ARLN: variants seen among roughly 807,000 people sequenced by gnomAD.
ARLN encodes allregulin, also known as sarcoplasmic/endoplasmic reticulum calcium ATPase regulator ARLN.
the ARLN span, among the ~76,000 whole-genome samples, chr4:119,301,125 A>G: frequency 7.8e-3 from 1,174 of 151,478 alleles, 13 homozygotes; most frequent in African/African-American, 0.027. Flanking sequence ...GGGTTTAAGA[A>G]TAACCTGGCC....
the ARLN span, chr4:119,297,418 CA>C: frequency 6.6e-6 from 1 of 152,204 alleles, no homozygotes; most frequent in African/African-American, 2.4e-5. Context: ...CCACTTCTAC[CA>C]TTCCTCATGT....
At chr4:119,298,276 A>C in the ARLN span, 1 of 152,254 alleles carries the variant, frequency 6.6e-6, no homozygotes, top group African/African-American at 2.4e-5. Flanking sequence ...AACTAAACCT[A>C]AAAATTAAAA....
the ARLN span, chr4:119,300,507 C>T: frequency 4.3e-6 from 7 of 1,614,128 alleles, no homozygotes; most frequent in Non-Finnish European, 5.1e-6. Context: ...ACCATCTCGA[C>T]CATCAACACC....
the ARLN span, chr4:119,300,748 G>T: frequency 4.0e-6 from 6 of 1,501,648 alleles, no homozygotes; most frequent in Non-Finnish European, 2.7e-6. Context: ...CATGAAGCGC[G>T]GCCTCCGCCT....
the ARLN span, chr4:119,300,427 T>C: frequency 1.9e-6 from 3 of 1,613,760 alleles, no homozygotes; most frequent in African/African-American, 2.7e-5. Context: ...GGAAGCCCAT[T>C]TGCCCCAGAC....
At chr4:119,302,636 A>G in the ARLN span, among the ~76,000 whole-genome samples, 648 of 152,338 alleles carry the variant, frequency 4.3e-3, 7 homozygotes, top group African/African-American at 0.015. Context: ...CACTTGTCCA[A>G]CCACCTTGAA....
the ARLN span, chr4:119,296,482 C>G: frequency 6.6e-6 from 1 of 152,154 alleles, no homozygotes; most frequent in Admixed American, 6.5e-5. Flanking sequence ...AGAAGTCCCA[C>G]AATCTGCTTT....
chr4:119,303,392 G>A, the ARLN span, among the ~76,000 whole-genome samples: 2 of 151,938 alleles, frequency 1.3e-5, no homozygotes, highest in African/African-American at 2.4e-5. Flanking sequence ...CTGCCAGCAC[G>A]CCTGGCTAAT....
the ARLN span, among the ~76,000 whole-genome samples, chr4:119,303,701 T>C: frequency 6.6e-6 from 1 of 152,164 alleles, no homozygotes; most frequent in Non-Finnish European, 1.5e-5. Context: ...CTGAGCAACA[T>C]GGCGAAATCC....
At chr4:119,303,410 T>C in the ARLN span, among the ~76,000 whole-genome samples, 80,979 of 151,666 alleles carry the variant, frequency 0.53, 21,702 homozygotes, top group East Asian at 0.62. Context: ...AATTTTTGTA[T>C]TTTTAGTAGA....
At chr4:119,301,619 A>C in the ARLN span, among the ~76,000 whole-genome samples, 9 of 152,190 alleles carry the variant, frequency 5.9e-5, no homozygotes, top group Admixed American at 1.3e-4. Flanking sequence ...GGGCACCCAG[A>C]CATATAAGTG....
chr4:119,303,779 G>T, the ARLN span, among the ~76,000 whole-genome samples: 1 of 152,182 alleles, frequency 6.6e-6, no homozygotes, highest in Non-Finnish European at 1.5e-5. Flanking sequence ...AGCTACTCAG[G>T]AGGCTGAATT....
the ARLN span, chr4:119,300,590 G>T: frequency 1.2e-6 from 2 of 1,613,180 alleles, no homozygotes; most frequent in East Asian, 2.2e-5. Flanking sequence ...TAAGTTCCCG[G>T]ACTTTGGTGT....
the ARLN span, among the ~76,000 whole-genome samples, chr4:119,302,667 A>G: frequency 6.6e-6 from 1 of 152,254 alleles, no homozygotes; most frequent in Non-Finnish European, 1.5e-5. Context: ...CACATGTTCA[A>G]CTGAAAAATA....
At chr4:119,304,423 G>C in the ARLN span, 1 of 1,534,346 alleles carries the variant, frequency 6.5e-7, no homozygotes, top group Non-Finnish European at 8.7e-7. Flanking sequence ...CCTATTAATG[G>C]GGCTATTTAT....
the ARLN span, among the ~76,000 whole-genome samples, chr4:119,303,713 AT>A: frequency 6.6e-6 from 1 of 152,296 alleles, no homozygotes; most frequent in Middle Eastern, 3.4e-3. Context: ...GCGAAATCCC[AT>A]CTCTACAAAA....
At chr4:119,304,272 G>C in the ARLN span, 1 of 1,536,420 alleles carries the variant, frequency 6.5e-7, no homozygotes, top group Non-Finnish European at 8.7e-7. Context: ...CATTTAACTT[G>C]TCTCCACCTT....
chr4:119,299,533 C>G, the ARLN span, among the ~76,000 whole-genome samples: 452 of 152,346 alleles, frequency 3.0e-3, 12 homozygotes, highest in East Asian at 0.057. Context: ...CTTAGCTTGT[C>G]TCTTAACACC....
At chr4:119,300,897 G>A in the ARLN span, 1 of 1,164,770 alleles carries the variant, frequency 8.6e-7, no homozygotes, top group Admixed American at 2.9e-5. Context: ...ACTCCTCCCT[G>A]AAACTGCACG....
Sources: gnomAD v4.1 joint callset for allele counts (sites outside exome capture counted in the v4.1 genomes callset) on GRCh38, gnomAD v4.1.1 for gene constraint, MANE v1.5 for transcripts, NCBI Gene and HGNC (gene_info 2026-07-23, HGNC 2026-07-21) for gene names.